Variants in PARVA observed in about 807,000 individuals in gnomAD.
The protein encoded by PARVA is parvin alpha.
Under a neutral mutation model 52.6 loss-of-function variants are expected in PARVA, and 25 were observed. That is an observed-to-expected ratio of 0.48 (90% CI 0.35 to 0.66). The LOEUF (loss-of-function observed/expected upper bound fraction) is 0.66. Ranked by LOEUF, PARVA falls within the 30% of genes least tolerant of loss-of-function variation. PARVA has a pLI of 0.01. For synonymous variants in PARVA, 185 were observed against 179.1 expected (o/e 1.03, Z -0.26); for missense variants, 373 against 450.9 (o/e 0.83, Z 1.56).
chr11:12,514,137 C>T, intron 10 of PARVA, 72 bp downstream of exon 10: 3 of 1,237,596 alleles, frequency 2.4e-6, no homozygotes, highest in East Asian at 4.7e-5. Flanking sequence ...TGGCCCACCA[C>T]ACTTGGCCAG....
chr11:12,511,477 G>A (rs1392503671), intron 7 of PARVA, 37 bp from the exon 8 acceptor site: 11 of 1,608,048 alleles, frequency 6.8e-6, no homozygotes, highest in Non-Finnish European at 9.3e-6. Context: ...AGGGACAAGA[G>A]AAGAGTCACA....
chr11:12,419,825 A>G (rs1940122378), intron 1 of PARVA, among the ~76,000 whole-genome samples: 1 of 152,194 alleles, frequency 6.6e-6, no homozygotes, highest in Non-Finnish European at 1.5e-5. Context: ...TATGAAGCAG[A>G]GTCTAGCCCT....
intron 1 of PARVA, among the ~76,000 whole-genome samples, chr11:12,437,650 G>C (rs1940404788): frequency 6.6e-6 from 1 of 152,162 alleles, no homozygotes; most frequent in South Asian, 2.1e-4. Flanking sequence ...GCTATGTTGG[G>C]GTTGGGGGTG....
intron 1 of PARVA, 63 bp downstream of exon 1, chr11:12,377,846 G>A (rs1565320840): frequency 3.1e-6 from 4 of 1,306,740 alleles, no homozygotes; most frequent in Non-Finnish European, 4.0e-6. Context: ...GGGCCGAGGG[G>A]CCGGGGCACT....
At chr11:12,457,516 C>T (rs1204329449) in intron 1 of PARVA, among the ~76,000 whole-genome samples, 1 of 152,222 alleles carries the variant, frequency 6.6e-6, no homozygotes, top group Non-Finnish European at 1.5e-5. Flanking sequence ...TCTGCTTCCT[C>T]CATTGCTGCC....
intron 1 of PARVA, among the ~76,000 whole-genome samples, chr11:12,404,673 C>T (rs1167427160): frequency 6.6e-6 from 1 of 152,196 alleles, no homozygotes; most frequent in Non-Finnish European, 1.5e-5. Context: ...AATTTGGCCC[C>T]ATTTAGGGTA....
chr11:12,386,309 A>ACATGT (rs1357093556), intron 1 of PARVA, among the ~76,000 whole-genome samples: 3 of 152,072 alleles, frequency 2.0e-5, no homozygotes, highest in Non-Finnish European at 4.4e-5. Context: ...AATCCCCCAA[A>ACATGT]CATGTCATTT....
At chr11:12,480,937 G>A (rs1008939911) in intron 4 of PARVA, 4 of 152,072 alleles carry the variant, frequency 2.6e-5, no homozygotes, top group Non-Finnish European at 5.9e-5. Context: ...AGGAGGCAGA[G>A]TTTTGAGTGA....
chr11:12,469,349 G>A (rs911726954), intron 1 of PARVA, among the ~76,000 whole-genome samples: 7 of 152,124 alleles, frequency 4.6e-5, no homozygotes, highest in Non-Finnish European at 7.3e-5. Context: ...TCCCTACCCC[G>A]ACCTTCAGCT....
intron 4 of PARVA, among the ~76,000 whole-genome samples, chr11:12,484,716 G>T (rs942743525): frequency 3.9e-5 from 6 of 151,912 alleles, no homozygotes; most frequent in Non-Finnish European, 7.4e-5. Context: ...GAAACTCACA[G>T]CCTGGTAGTA....
chr11:12,484,082 A>C (rs1941124734), intron 4 of PARVA, among the ~76,000 whole-genome samples: 1 of 152,216 alleles, frequency 6.6e-6, no homozygotes, highest in Non-Finnish European at 1.5e-5. Flanking sequence ...ACATTTCCAA[A>C]TACCTCAGTT....
intron 4 of PARVA, among the ~76,000 whole-genome samples, chr11:12,490,652 A>G (rs376640866): frequency 1.3e-5 from 2 of 152,162 alleles, no homozygotes; most frequent in African/African-American, 4.8e-5. Flanking sequence ...CCCCCCAAAA[A>G]TACCTAAAAT....
At chr11:12,457,040 T>G (rs547237822) in intron 1 of PARVA, among the ~76,000 whole-genome samples, 1 of 152,364 alleles carries the variant, frequency 6.6e-6, no homozygotes, top group South Asian at 2.1e-4. Flanking sequence ...TGCGTGTTTA[T>G]TTTTGTGTAC....
At chr11:12,473,874 C>T (rs2135036277) in intron 2 of PARVA, 39 bp from the exon 3 acceptor site, 2 of 1,562,162 alleles carry the variant, frequency 1.3e-6, no homozygotes, top group East Asian at 2.4e-5. Context: ...TAAGCTTTCC[C>T]ATGCCAGCAC....
At chr11:12,391,166 G>A (rs1939652930) in intron 1 of PARVA, among the ~76,000 whole-genome samples, 1 of 152,176 alleles carries the variant, frequency 6.6e-6, no homozygotes, top group African/African-American at 2.4e-5. Flanking sequence ...TGGCCGGAGT[G>A]ATGGGCACCC....
chr11:12,452,436 C>T (rs1237761372), intron 1 of PARVA, among the ~76,000 whole-genome samples: 1 of 152,234 alleles, frequency 6.6e-6, no homozygotes, highest in Middle Eastern at 3.4e-3. Flanking sequence ...CCTGATAGGA[C>T]AGGCTCTCCC....
intron 1 of PARVA, among the ~76,000 whole-genome samples, chr11:12,448,445 T>C (rs966331069): frequency 3.3e-5 from 5 of 152,124 alleles, no homozygotes; most frequent in Non-Finnish European, 5.9e-5. Context: ...AAAGGCAGGC[T>C]TAGGACACCC....
At chr11:12,476,874 A>G (rs1460641624) in intron 3 of PARVA, among the ~76,000 whole-genome samples, 3 of 152,204 alleles carry the variant, frequency 2.0e-5, no homozygotes, top group Non-Finnish European at 4.4e-5. Context: ...CAGCATACTT[A>G]TGCTAAGGCA....
In PARVA at chr11:12,528,665, A is replaced by T. The variant is rs778862546; in HGVS notation, c.*740A>T. On this transcript the variant is annotated 3_prime_UTR_variant, in exon 13 of 13. Coordinates refer to ENST00000334956, the MANE Select transcript of PARVA (RefSeq NM_018222.5). ...ACCTGAGCCAAAAACACGAGAACCC[A>T]CTGATCTCACCACTGGGGCAAGCTA... 2 of 152,664 alleles carry T rather than the reference A, an allele frequency of 1.3e-5. No homozygotes were observed. Among genetic ancestry groups the T allele is most frequent in the African/African-American group, 2.4e-5 (1 of 41,450 alleles). 9.5% of individuals were successfully genotyped at this position (152,664 alleles called of 1,614,324 possible). A position where few individuals can be genotyped will look rare whatever the true frequency, so the allele number is the denominator to read the frequency against.
Sources: gnomAD v4.1 joint callset for allele counts (sites outside exome capture counted in the v4.1 genomes callset) on GRCh38, gnomAD v4.1.1 for gene constraint, MANE v1.5 for transcripts, NCBI Gene and HGNC (gene_info 2026-07-23, HGNC 2026-07-21) for gene names.